SHISA9: variants seen among roughly 807,000 people sequenced by gnomAD.
SHISA9 encodes the protein shisa family member 9.
A neutral mutation model predicts 38.0 loss-of-function variants in SHISA9; 13 were observed. The observed-to-expected ratio is 0.34, with a 90% CI of 0.22 to 0.54. The LOEUF (loss-of-function observed/expected upper bound fraction) is 0.54, where lower values mean the gene tolerates loss of function less well. Among genes scored for constraint, SHISA9 ranks in the 20% least tolerant of loss-of-function variants. The probability of loss-of-function intolerance (pLI) is 0.91; values close to 1 mark genes in which losing one functional copy is unlikely to be tolerated. For synonymous variants in SHISA9, 275 were observed against 242.0 expected (o/e 1.14, Z -1.27); for missense variants, 538 against 575.8 (o/e 0.93, Z 0.67).
intron 1 of SHISA9, among the ~76,000 whole-genome samples, chr16:12,916,276 C>A (rs745599745): frequency 2.0e-5 from 3 of 152,066 alleles, no homozygotes; most frequent in Non-Finnish European, 2.9e-5. Flanking sequence ...TGGTGCCTGG[C>A]TTATGGCAAA....
chr16:13,340,781 T>G, the SHISA9 span, among the ~76,000 whole-genome samples: 2 of 152,176 alleles, frequency 1.3e-5, no homozygotes, highest in Non-Finnish European at 2.9e-5. Context: ...CACACTGGAC[T>G]TTGTTGCCCC....
intron 3 of SHISA9, among the ~76,000 whole-genome samples, chr16:13,203,846 A>G (rs8048951): frequency 3.9e-4 from 59 of 152,032 alleles, no homozygotes; most frequent in African/African-American, 1.4e-3. Flanking sequence ...CTACATATGT[A>G]TTATCTATCT....
At chr16:13,137,843 C>T (rs529839519) in intron 2 of SHISA9, among the ~76,000 whole-genome samples, 2 of 152,290 alleles carry the variant, frequency 1.3e-5, no homozygotes, top group South Asian at 4.1e-4. Context: ...GTTCATTCCT[C>T]TTCCTATGGC....
chr16:13,102,633 T>A (rs185063884), intron 2 of SHISA9, among the ~76,000 whole-genome samples: 1 of 152,294 alleles, frequency 6.6e-6, no homozygotes, highest in Non-Finnish European at 1.5e-5. Context: ...GATGTCATAA[T>A]TGATTTTCCT....
At chr16:13,475,580 A>T in the SHISA9 span, among the ~76,000 whole-genome samples, 1 of 152,174 alleles carries the variant, frequency 6.6e-6, no homozygotes, top group Non-Finnish European at 1.5e-5. Context: ...CTTTTATGGC[A>T]CCAGGGACCG....
the SHISA9 span, among the ~76,000 whole-genome samples, chr16:13,469,936 T>C: frequency 6.6e-6 from 1 of 152,290 alleles, no homozygotes; most frequent in Non-Finnish European, 1.5e-5. Flanking sequence ...CAGGAAGTGT[T>C]TGGCCACTTA....
At chr16:13,251,055 C>T in the SHISA9 span, among the ~76,000 whole-genome samples, 1 of 152,166 alleles carries the variant, frequency 6.6e-6, no homozygotes, top group East Asian at 1.9e-4. Flanking sequence ...GTTTCTTCAC[C>T]TGCACGATAG....
chr16:13,495,064 G>C, the SHISA9 span, among the ~76,000 whole-genome samples: 1 of 152,248 alleles, frequency 6.6e-6, no homozygotes, highest in South Asian at 2.1e-4. Flanking sequence ...TTGTTGCCAA[G>C]GTATAAAGAC....
At chr16:13,252,702 A>G in the SHISA9 span, among the ~76,000 whole-genome samples, 2 of 152,146 alleles carry the variant, frequency 1.3e-5, no homozygotes, top group East Asian at 3.9e-4. Context: ...TAATTGATCT[A>G]CTTATGTTTA....
chr16:13,189,499 T>TA, intron 2 of SHISA9, among the ~76,000 whole-genome samples: 1 of 152,360 alleles, frequency 6.6e-6, no homozygotes, highest in South Asian at 2.1e-4. Context: ...TCCTTCTTTG[T>TA]AAAATAGAAT....
chr16:13,001,478 G>C (rs9939981), intron 2 of SHISA9, among the ~76,000 whole-genome samples: 14,057 of 152,062 alleles, frequency 0.092, 1,590 homozygotes, highest in African/African-American at 0.27. Context: ...GTTGGCTTCA[G>C]AAAGAATCTC....
chr16:13,187,830 T>C (rs2050842832), intron 2 of SHISA9, among the ~76,000 whole-genome samples: 1 of 152,210 alleles, frequency 6.6e-6, no homozygotes, highest in East Asian at 1.9e-4. Flanking sequence ...GTCGACAAAG[T>C]AGCATGCTTC....
chr16:12,931,784 G>A (rs1004572407), intron 2 of SHISA9, among the ~76,000 whole-genome samples: 2 of 152,138 alleles, frequency 1.3e-5, no homozygotes, highest in Non-Finnish European at 2.9e-5. Flanking sequence ...GGGATTGCTA[G>A]GTCAGATGAA....
the SHISA9 span, among the ~76,000 whole-genome samples, chr16:13,418,778 C>A: frequency 6.6e-6 from 1 of 152,222 alleles, no homozygotes. Context: ...AAGTAATAAT[C>A]TAACCTTGAG....
intron 2 of SHISA9, among the ~76,000 whole-genome samples, chr16:13,144,788 C>T (rs574864300): frequency 6.6e-6 from 1 of 152,176 alleles, no homozygotes; most frequent in East Asian, 1.9e-4. Flanking sequence ...GGATTTTGCT[C>T]TTCTTAATGA....
chr16:13,047,988 C>A (rs368573045), intron 2 of SHISA9, among the ~76,000 whole-genome samples: 5 of 152,244 alleles, frequency 3.3e-5, no homozygotes, highest in African/African-American at 9.6e-5. Flanking sequence ...CCAGAAGACT[C>A]CAAGACTCAT....
Position 13,236,233 on chromosome 16 carries a change from A to G in SHISA9, c.*824A>G, listed in dbSNP as rs1455575620. ...TACGGAGAGGGTCCGGAGAGTATCA[A>G]ATAACTTTTTAAAAAGAGGATTAAA... On this transcript the variant is annotated 3_prime_UTR_variant, in exon 5 of 5. Coordinates refer to ENST00000558583, the MANE Select transcript of SHISA9 (RefSeq NM_001145204.3). 3 of 152,308 alleles carry G rather than the reference A, an allele frequency of 2.0e-5. No homozygotes were observed. The highest frequency in any genetic ancestry group is 4.4e-5 in the Non-Finnish European group (3 of 68,036). The allele number at this position is 152,308 out of a possible 1,614,324, so 9.4% of individuals were successfully genotyped here.
intron 1 of SHISA9, among the ~76,000 whole-genome samples, chr16:12,912,367 C>T (rs1047188041): frequency 7.2e-5 from 11 of 152,212 alleles, no homozygotes; most frequent in African/African-American, 1.9e-4. Flanking sequence ...ATGGCAGAAC[C>T]GACCAAGTTC....
chr16:13,124,491 C>T (rs1442511259), intron 2 of SHISA9, among the ~76,000 whole-genome samples: 1 of 152,096 alleles, frequency 6.6e-6, no homozygotes, highest in Non-Finnish European at 1.5e-5. Context: ...TGATTACTTT[C>T]TAGGGAATGC....
Sources: allele counts gnomAD v4.1 joint callset (sites outside exome capture counted in the v4.1 genomes callset), GRCh38; gene constraint gnomAD v4.1.1; transcripts MANE v1.5; gene names NCBI Gene and HGNC (gene_info 2026-07-23, HGNC 2026-07-21).